The following ITGA8 variants were observed in gnomAD, a reference collection of about 807,000 sequenced individuals.
ITGA8 encodes integrin subunit alpha 8.
A neutral mutation model predicts 142.3 loss-of-function variants in ITGA8; 91 were observed. That is an observed-to-expected ratio of 0.64 (90% CI 0.54 to 0.76). ITGA8 has a LOEUF of 0.76. Among genes scored for constraint, ITGA8 ranks in the 30% least tolerant of loss-of-function variants. The pLI, the probability that ITGA8 is intolerant of heterozygous loss-of-function variation, is 0.00. For missense variants in ITGA8, 1,406 were observed against 1,327.7 expected, an observed-to-expected ratio of 1.06 and a Z score of -0.92; for synonymous variants, 505 against 485.2, an observed-to-expected ratio of 1.04 and a Z score of -0.54.
chr10:15,671,766 A>G (rs1238564110), intron 7 of ITGA8, 119 bp from the exon 8 acceptor site: 1 of 704,160 alleles, frequency 1.4e-6, no homozygotes, highest in African/African-American at 1.8e-5. Flanking sequence ...CTCTACAAAT[A>G]TTATAAAAGT....
chr10:15,665,838 A>C (rs1413865862), intron 8 of ITGA8, among the ~76,000 whole-genome samples: 7 of 152,124 alleles, frequency 4.6e-5, no homozygotes, highest in Non-Finnish European at 1.0e-4. Context: ...GATATGCGGC[A>C]TTATTTCTGA....
intron 2 of ITGA8, among the ~76,000 whole-genome samples, chr10:15,710,526 A>G (rs1366111558): frequency 1.3e-5 from 2 of 152,342 alleles, no homozygotes; most frequent in African/African-American, 2.4e-5. Flanking sequence ...TCAGAAAATC[A>G]TTCTGGAAGA....
Position 15,559,262 on chromosome 10 carries a change from C to G in ITGA8, c.2638-1060G>C, listed in dbSNP as rs1833934860. Among the ~76,000 whole-genome samples, 3 of 152,222 alleles carry G rather than the reference C, an allele frequency of 2.0e-5. 1 individual carries two copies. The highest frequency in any genetic ancestry group is 4.1e-4 in the South Asian group (2 of 4,834). The stretch of plus-strand genomic sequence containing the variant: ...CTTCTCTGACCAAGAACCCAAGGTC[C>G]TTCACTCCAGCATGCTAACCTGCTC... On this transcript the variant is annotated intron_variant, in intron 25 of 29. Coordinates refer to ENST00000378076, the MANE Select transcript of ITGA8 (RefSeq NM_003638.3).
intron 25 of ITGA8, among the ~76,000 whole-genome samples, chr10:15,560,194 A>G (rs1346870506): frequency 2.6e-5 from 4 of 152,102 alleles, no homozygotes; most frequent in East Asian, 1.9e-4. Context: ...CAGGAGGATC[A>G]TCTAAGCCCA....
chr10:15,651,910 G>C lies in ITGA8; in HGVS notation c.1001+3444C>G, dbSNP rs189353048. Among the ~76,000 whole-genome samples the C allele has an allele frequency of 6.0e-4, 91 of 152,138 alleles. 1 individual carries two copies. Among genetic ancestry groups the C allele is most frequent in the African/African-American group, 2.2e-3 (90 of 41,486 alleles). On this transcript the variant is annotated intron_variant, in intron 11 of 29. Transcript: ENST00000378076. The stretch of plus-strand genomic sequence containing the variant: ...TATAATAGGACCCTGAATTTACATA[G>C]CATCTAAGTAATTAAAAACAGCAAG...
At chr10:15,524,112 T>C (rs1833121502) in intron 28 of ITGA8, among the ~76,000 whole-genome samples, 1 of 152,228 alleles carries the variant, frequency 6.6e-6, no homozygotes, top group Admixed American at 6.5e-5. Flanking sequence ...CTTTCTGCTT[T>C]CCTGGTCCTT....
intron 21 of ITGA8, chr10:15,596,883 T>C (rs1396154000): frequency 8.4e-6 from 2 of 236,874 alleles, no homozygotes; most frequent in African/African-American, 2.2e-5. Context: ...ATTGCATTTC[T>C]TTTTGAATTC....
chr10:15,662,614 C>T (rs995530775), intron 8 of ITGA8, among the ~76,000 whole-genome samples: 10 of 152,244 alleles, frequency 6.6e-5, no homozygotes, highest in South Asian at 2.1e-4. Context: ...GCTGGGATTA[C>T]AGGCCTGAGC....
At position 15,517,229 on chromosome 10, in the gene ITGA8, T is replaced by C. The variant is rs1363071673; in HGVS notation, c.3121A>G (p.Arg1041Gly). The C allele has an allele frequency of 6.2e-7, 1 of 1,612,268 alleles. No homozygotes were observed. Among genetic ancestry groups the C allele is most frequent in the East Asian group, 2.2e-5 (1 of 44,864 alleles). Reference protein sequence around the residue: ...LALWKCGFFDRARPPQEDMTD... With the variant: ...LALWKCGFFDGARPPQEDMTD... The stretch of plus-strand genomic sequence containing the variant: ...ATGTCCTCCTGAGGAGGTCTGGCTC[T>C]GTCAAAGAATCCACACTATAAAGGG... Residue 1041 changes from arginine (R) to glycine (G), a missense_variant, in exon 30 of 30, where the codon AGA becomes GGA. Transcript: ENST00000378076.
In ITGA8 at chr10:15,558,122, C is replaced by T. The variant is rs1833916005; in HGVS notation, c.2718G>A (p.Arg906=). ...NSTIPHLVRK[R]DVHVVEFHRQ... ...TGTGGAATTCGACCACATGTACATC[C>T]CTCTTCCTGACAAGATGAGGAATAG... Residue 906 remains arginine (R), a synonymous_variant, in exon 26 of 30, where the codon AGG becomes AGA. Coordinates refer to ENST00000378076, the MANE Select transcript of ITGA8 (RefSeq NM_003638.3). 1 of 1,614,158 alleles carries T rather than the reference C, an allele frequency of 6.2e-7. No homozygotes were observed. The highest frequency in any genetic ancestry group is 8.5e-7 in the Non-Finnish European group (1 of 1,180,034).
intron 26 of ITGA8, among the ~76,000 whole-genome samples, chr10:15,555,621 G>A (rs910545385): frequency 1.3e-5 from 2 of 152,146 alleles, no homozygotes; most frequent in Admixed American, 6.5e-5. Flanking sequence ...AACCCAGCCA[G>A]GACTGTGACT....
Position 15,548,503 on chromosome 10 carries a change from G to T in ITGA8, c.2832C>A (p.Ser944Arg). The T allele has an allele frequency of 1.2e-6, 2 of 1,601,352 alleles. No individual in the cohort carries two copies. The highest frequency in any genetic ancestry group is 1.7e-6 in the Non-Finnish European group (2 of 1,176,636). ...CAVGRLEGGE[S>R]AVLKVRSRLW... ...ATCGTGACCTGACTTTCAGGACTGC[G>T]CTTTCTCCTCCTTCGAGTCGTCCCA... The change falls in exon 27 of 30, where the codon AGC becomes AGA. Residue 944 changes from serine to arginine, a missense_variant. Ser to Arg is a moderately radical substitution (Grantham distance 110). Coordinates refer to ENST00000378076, the MANE Select transcript of ITGA8 (RefSeq NM_003638.3).
intron 26 of ITGA8, among the ~76,000 whole-genome samples, chr10:15,549,251 C>T (rs1833748149): frequency 9.0e-6 from 1 of 111,312 alleles, no homozygotes; most frequent in Non-Finnish European, 1.8e-5. Context: ...GCTCTTCTTG[C>T]CCAGGCTGGA....
At chr10:15,533,237 T>A (rs538177318) in intron 27 of ITGA8, among the ~76,000 whole-genome samples, 12 of 152,366 alleles carry the variant, frequency 7.9e-5, no homozygotes, top group Admixed American at 7.8e-4. Flanking sequence ...ACATAGTATG[T>A]AACTTTTATA....
At chr10:15,675,936 C>T (rs568562780) in intron 6 of ITGA8, among the ~76,000 whole-genome samples, 90 of 152,138 alleles carry the variant, frequency 5.9e-4, no homozygotes, top group African/African-American at 2.1e-3. Flanking sequence ...CATTTGTATC[C>T]TACGTTTTTT....
chr10:15,530,541 C>CAAAAA lies in ITGA8; in HGVS notation c.2982+504_2982+508dup, dbSNP rs57521125. ...AACCTGGGCGACAGAGCGAGACTCT[C>CAAAAA]AAAAAAAAAAAAAAAAAAAAAAGAC... On this transcript the variant is annotated intron_variant, in intron 28 of 29. Transcript: ENST00000378076. Among the ~76,000 whole-genome samples, 220 of 74,506 alleles carry CAAAAA rather than the reference C, an allele frequency of 3.0e-3. 1 individual carries two copies. The highest frequency in any genetic ancestry group is 3.3e-3 in the Admixed American group (16 of 4,858). The allele number at this position is 74,506 out of a possible 152,430, so 48.9% of individuals were successfully genotyped here.
intron 27 of ITGA8, among the ~76,000 whole-genome samples, chr10:15,532,121 TCC>T (rs1285043098): frequency 6.6e-6 from 1 of 151,850 alleles, no homozygotes; most frequent in Non-Finnish European, 1.5e-5. Flanking sequence ...AATAGCACCC[TCC>T]CTCAGTTGTG....
At chr10:15,668,413 C>T (rs1046634085) in intron 8 of ITGA8, among the ~76,000 whole-genome samples, 1 of 148,270 alleles carries the variant, frequency 6.7e-6, no homozygotes, top group African/African-American at 2.5e-5. Context: ...CTATGTGTGT[C>T]TCTGCACGTG....
intron 12 of ITGA8, among the ~76,000 whole-genome samples, chr10:15,645,599 CT>C (rs975598476): frequency 5.3e-5 from 8 of 152,044 alleles, no homozygotes; most frequent in African/African-American, 1.2e-4. Flanking sequence ...TTGCTGAGAA[CT>C]TTTTTTCAAA....
Sources: gnomAD v4.1 joint callset for allele counts (sites outside exome capture counted in the v4.1 genomes callset) on GRCh38, gnomAD v4.1.1 for gene constraint, MANE v1.5 for transcripts, NCBI Gene and HGNC (gene_info 2026-07-23, HGNC 2026-07-21) for gene names.